Variants in FMN1 observed in about 807,000 individuals in gnomAD.
The protein encoded by FMN1 is formin 1.
Under a neutral mutation model 132.4 loss-of-function variants are expected in FMN1, and 110 were observed. The ratio of observed to expected loss-of-function variants is 0.83; its 90% confidence interval spans 0.71 to 0.97. The LOEUF (loss-of-function observed/expected upper bound fraction) is 0.97. Among genes scored for constraint, FMN1 ranks in the 50% least tolerant of loss-of-function variants. FMN1 has a pLI of 0.00. For synonymous variants in FMN1, 722 were observed against 651.7 expected, an observed-to-expected ratio of 1.11 and a Z score of -1.64; for missense variants, 1,792 against 1,705.3, an observed-to-expected ratio of 1.05 and a Z score of -0.90.
At chr15:33,139,268 G>A (rs1028445773) in intron 4 of FMN1, among the ~76,000 whole-genome samples, 2 of 152,164 alleles carry the variant, frequency 1.3e-5, no homozygotes, top group African/African-American at 2.4e-5. Flanking sequence ...ATTGCTTATT[G>A]AGGAAGTTTC....
intron 5 of FMN1, among the ~76,000 whole-genome samples, chr15:33,076,514 G>T (rs1013592015): frequency 5.3e-5 from 8 of 152,140 alleles, no homozygotes; most frequent in African/African-American, 1.9e-4. Flanking sequence ...ATCTAGGGAA[G>T]GTGGGGATTT....
At chr15:33,128,610 G>C (rs183512247) in intron 4 of FMN1, among the ~76,000 whole-genome samples, 3 of 152,324 alleles carry the variant, frequency 2.0e-5, no homozygotes, top group Admixed American at 6.5e-5. Flanking sequence ...CATACCCGCG[G>C]ACCTTTGCGG....
intron 17 of FMN1, chr15:32,836,985 A>C: frequency 4.4e-6 from 1 of 226,854 alleles, no homozygotes; most frequent in Admixed American, 4.1e-5. Flanking sequence ...TCAGTTTTAC[A>C]CTGACAATTT....
intron 5 of FMN1, among the ~76,000 whole-genome samples, chr15:33,081,228 C>A (rs2038444070): frequency 6.6e-6 from 1 of 152,166 alleles, no homozygotes; most frequent in Admixed American, 6.5e-5. Flanking sequence ...TTCTACCATA[C>A]CCCCACCTTG....
At chr15:32,981,543 A>AATAATAATAATAATTATT (rs574939662) in intron 7 of FMN1, among the ~76,000 whole-genome samples, 27 of 138,402 alleles carry the variant, frequency 2.0e-4, no homozygotes, top group African/African-American at 7.0e-4. Context: ...TAATAATAAT[A>AATAATAATAATAATTATT]ATTATTATTA....
intron 6 of FMN1, among the ~76,000 whole-genome samples, chr15:33,057,500 C>T (rs961201112): frequency 6.6e-6 from 1 of 152,182 alleles, no homozygotes; most frequent in African/African-American, 2.4e-5. Flanking sequence ...TATCATTACC[C>T]TCCTTTTTAG....
chr15:32,789,332 A>C (rs2056988798), intron 19 of FMN1, among the ~76,000 whole-genome samples: 1 of 152,234 alleles, frequency 6.6e-6, no homozygotes, highest in South Asian at 2.1e-4. Context: ...AGATTGGAGA[A>C]AGCTTCATGA....
chr15:33,111,392 T>A (rs1017140801), intron 4 of FMN1, among the ~76,000 whole-genome samples: 3 of 152,116 alleles, frequency 2.0e-5, no homozygotes, highest in Admixed American at 1.3e-4. Context: ...CCTAAAATGG[T>A]ACAGCAGCTC....
chr15:32,901,004 A>C (rs1030929891), intron 13 of FMN1, among the ~76,000 whole-genome samples: 2 of 152,092 alleles, frequency 1.3e-5, no homozygotes, highest in Non-Finnish European at 2.9e-5. Context: ...AAATACAAAA[A>C]CTAGCTGGGC....
intron 4 of FMN1, among the ~76,000 whole-genome samples, chr15:33,117,378 T>G (rs893296643): frequency 2.6e-5 from 4 of 152,198 alleles, no homozygotes; most frequent in Non-Finnish European, 5.9e-5. Context: ...CATAGCTGCA[T>G]TTTGATTACT....
chr15:32,888,265 G>A lies in FMN1; in HGVS notation c.3742C>T (p.Pro1248Ser). ...AAGAAATCCTGTGGTTCCGGCAAGGGGAAAACACTCTTTTCTGTTCCAGCT... is the reference window on the plus strand; with the variant it reads ...AAGAAATCCTGTGGTTCCGGCAAGGAGAAAACACTCTTTTCTGTTCCAGCT... ...QEAGTEKSVF[P>S]LPEPQDFFLA... is the part of the protein sequence containing the mutation. Residue 1248 changes from proline (P) to serine (S), a missense_variant, in exon 16 of 21, where the codon CCC (proline) becomes TCC (serine). Pro to Ser is a moderately conservative substitution (Grantham distance 74). Around this residue, in one of 3 missense-constraint regions of FMN1, gnomAD observed 1,150 missense variants for 1,043.1 expected, o/e 1.10. Transcript: ENST00000616417. 1 of 1,612,598 alleles carries A rather than the reference G, an allele frequency of 6.2e-7. No homozygotes were observed. The highest frequency in any genetic ancestry group is 8.5e-7 in the Non-Finnish European group (1 of 1,179,272).
intron 9 of FMN1, among the ~76,000 whole-genome samples, chr15:32,957,084 A>C (rs1254915275): frequency 2.0e-5 from 3 of 152,130 alleles, no homozygotes; most frequent in African/African-American, 7.2e-5. Flanking sequence ...ATTAATTCTT[A>C]AGAAATATCT....
At chr15:33,113,443 T>C (rs1355316629) in intron 4 of FMN1, among the ~76,000 whole-genome samples, 2 of 152,290 alleles carry the variant, frequency 1.3e-5, no homozygotes, top group South Asian at 2.1e-4. Flanking sequence ...TGTTGTCTTA[T>C]ACTGTTTATG....
At chr15:33,039,088 C>T (rs990682002) in intron 6 of FMN1, among the ~76,000 whole-genome samples, 1 of 151,980 alleles carries the variant, frequency 6.6e-6, no homozygotes, top group Non-Finnish European at 1.5e-5. Context: ...CAAACACACA[C>T]GATGTTAAAC....
chr15:33,037,949 G>T (rs1468047742), intron 6 of FMN1, among the ~76,000 whole-genome samples: 1 of 152,188 alleles, frequency 6.6e-6, no homozygotes, highest in Non-Finnish European at 1.5e-5. Context: ...ATTATGGTTG[G>T]GTGTGGTGGC....
chr15:33,012,815 G>A, intron 6 of FMN1: 2 of 660,134 alleles, frequency 3.0e-6, no homozygotes, highest in Non-Finnish European at 5.6e-6. Flanking sequence ...AGCTGTGGTG[G>A]TGGAGGATAT....
At chr15:32,955,604 T>G (rs2061748161) in intron 9 of FMN1, among the ~76,000 whole-genome samples, 1 of 152,174 alleles carries the variant, frequency 6.6e-6, no homozygotes, top group Non-Finnish European at 1.5e-5. Flanking sequence ...GAATGAGATT[T>G]GGGAAAATAT....
intron 10 of FMN1, among the ~76,000 whole-genome samples, chr15:32,919,637 T>C (rs757917582): frequency 1.3e-5 from 2 of 152,206 alleles, no homozygotes; most frequent in Non-Finnish European, 2.9e-5. Flanking sequence ...AAAATAGACC[T>C]TGAGAAACAT....
At chr15:32,953,980 T>C (rs946324746) in intron 9 of FMN1, among the ~76,000 whole-genome samples, 5 of 152,206 alleles carry the variant, frequency 3.3e-5, no homozygotes, top group Non-Finnish European at 7.3e-5. Flanking sequence ...AGTTCTGAGA[T>C]TTTGCATCTG....
Sources: allele counts gnomAD v4.1 joint callset (sites outside exome capture counted in the v4.1 genomes callset), GRCh38; gene constraint gnomAD v4.1.1; regional missense constraint gnomAD v4.1.1; transcripts MANE v1.5; gene names NCBI Gene and HGNC (gene_info 2026-07-23, HGNC 2026-07-21).